Variants in NXPH1 observed in about 807,000 individuals in gnomAD.
NXPH1 encodes neurexophilin-1.
NXPH1 carries 5 observed loss-of-function variants against 23.7 expected under a neutral mutation model. That is an observed-to-expected ratio of 0.21 (90% CI 0.11 to 0.44). The LOEUF (loss-of-function observed/expected upper bound fraction) is 0.44, where lower values mean the gene tolerates loss of function less well. NXPH1 is among the 20% of genes least tolerant of loss of function. NXPH1 has a pLI of 0.99. For missense variants in NXPH1, 324 were observed against 321.6 expected, an observed-to-expected ratio of 1.01 and a Z score of -0.06; for synonymous variants, 144 against 122.2, an observed-to-expected ratio of 1.18 and a Z score of -1.18.
Position 8,524,550 on chromosome 7 carries a change from G to A in NXPH1, c.54+88783G>A, listed in dbSNP as rs147427058. The stretch of plus-strand genomic sequence containing the variant: ...CCTTTGCCCAATTAAGGGGACTTTT[G>A]TTTAAAATGACAATGCCAAGGTGTC... On this transcript the variant is annotated intron_variant, in intron 2 of 2. Coordinates refer to ENST00000405863, the MANE Select transcript of NXPH1 (RefSeq NM_152745.3). Among the ~76,000 whole-genome samples, 660 of 152,246 alleles carry A rather than the reference G, an allele frequency of 4.3e-3. 7 individuals carry two copies. The highest frequency in any genetic ancestry group is 0.015 in the African/African-American group (636 of 41,554).
At chr7:8,593,724 A>G (rs1018575140) in intron 2 of NXPH1, among the ~76,000 whole-genome samples, 7 of 152,034 alleles carry the variant, frequency 4.6e-5, no homozygotes, top group African/African-American at 1.7e-4. Context: ...AGTTACCTTA[A>G]AATTAAAATT....
At chr7:8,650,436 G>A (rs1182070821) in intron 2 of NXPH1, among the ~76,000 whole-genome samples, 1 of 152,094 alleles carries the variant, frequency 6.6e-6, no homozygotes, top group Non-Finnish European at 1.5e-5. Context: ...CAGCTTCTTG[G>A]AATGAGCCTT....
At chr7:8,558,390 T>C (rs894020125) in intron 2 of NXPH1, among the ~76,000 whole-genome samples, 1 of 151,626 alleles carries the variant, frequency 6.6e-6, no homozygotes, top group Non-Finnish European at 1.5e-5. Flanking sequence ...ACTTGAAGAG[T>C]TAGAGCAGCT....
At chr7:8,438,516 C>T (rs899326849) in intron 2 of NXPH1, among the ~76,000 whole-genome samples, 2 of 152,190 alleles carry the variant, frequency 1.3e-5, no homozygotes, top group Non-Finnish European at 2.9e-5. Context: ...TCTGTTTATG[C>T]CTTACCTCTT....
chr7:8,646,612 T>C (rs77028385), intron 2 of NXPH1, among the ~76,000 whole-genome samples: 6,261 of 152,142 alleles, frequency 0.041, 304 homozygotes, highest in East Asian at 0.17. Context: ...CATTCTCTTC[T>C]ATTCCTAGTT....
At chr7:8,483,417 A>ACCTCC (rs1322364626) in intron 2 of NXPH1, among the ~76,000 whole-genome samples, 1 of 151,652 alleles carries the variant, frequency 6.6e-6, no homozygotes, top group Non-Finnish European at 1.5e-5. Context: ...TGCAGCCTTG[A>ACCTCC]CCTCCCAGGC....
At chr7:8,708,950 G>C (rs925118945) in intron 2 of NXPH1, among the ~76,000 whole-genome samples, 1 of 152,118 alleles carries the variant, frequency 6.6e-6, no homozygotes, top group Non-Finnish European at 1.5e-5. Context: ...TTTAACCAGA[G>C]GCTGAGGTGA....
At chr7:8,563,793 C>T (rs1818491667) in intron 2 of NXPH1, among the ~76,000 whole-genome samples, 1 of 151,756 alleles carries the variant, frequency 6.6e-6, no homozygotes, top group Non-Finnish European at 1.5e-5. Flanking sequence ...ATAATGCACG[C>T]AGAAATTCTT....
intron 2 of NXPH1, among the ~76,000 whole-genome samples, chr7:8,527,257 C>T (rs1001148669): frequency 3.9e-5 from 6 of 152,150 alleles, no homozygotes; most frequent in African/African-American, 7.2e-5. Context: ...AGTGACGTGT[C>T]GCCTCCCATG....
intron 2 of NXPH1, among the ~76,000 whole-genome samples, chr7:8,748,432 G>A (rs1780508516): frequency 6.6e-6 from 1 of 152,204 alleles, no homozygotes; most frequent in African/African-American, 2.4e-5. Context: ...CCGTCTGATA[G>A]CCCCATTTGA....
At chr7:8,652,250 G>T (rs1177476440) in intron 2 of NXPH1, among the ~76,000 whole-genome samples, 2 of 152,016 alleles carry the variant, frequency 1.3e-5, no homozygotes, top group Non-Finnish European at 2.9e-5. Flanking sequence ...TAATCTGCCT[G>T]CCAAGAAATA....
intron 2 of NXPH1, among the ~76,000 whole-genome samples, chr7:8,437,587 A>G (rs1280337221): frequency 6.6e-6 from 1 of 152,218 alleles, no homozygotes; most frequent in Non-Finnish European, 1.5e-5. Flanking sequence ...GATAGTCTGG[A>G]AAATAATCTA....
intron 2 of NXPH1, among the ~76,000 whole-genome samples, chr7:8,540,153 A>G (rs1818091349): frequency 1.3e-5 from 2 of 151,792 alleles, no homozygotes; most frequent in Admixed American, 1.3e-4. Flanking sequence ...GATCAATGAC[A>G]ATCACAGAAT....
intron 2 of NXPH1, among the ~76,000 whole-genome samples, chr7:8,578,836 T>C (rs1818806589): frequency 6.6e-6 from 1 of 152,190 alleles, no homozygotes; most frequent in South Asian, 2.1e-4. Flanking sequence ...TTTAGTTCAG[T>C]TGAGCCTTAC....
chr7:8,552,537 C>T (rs560233899), intron 2 of NXPH1, among the ~76,000 whole-genome samples: 14 of 151,524 alleles, frequency 9.2e-5, no homozygotes, highest in African/African-American at 2.9e-4. Context: ...AATATGGGTA[C>T]CATTTCCCTG....
At chr7:8,619,558 C>T (rs1198389685) in intron 2 of NXPH1, among the ~76,000 whole-genome samples, 2 of 152,158 alleles carry the variant, frequency 1.3e-5, no homozygotes. Flanking sequence ...ACCCATGTGT[C>T]TGTACTGTCA....
Position 8,693,176 on chromosome 7 carries a change from C to CAAAACA in NXPH1, c.55-57815_55-57810dup, listed in dbSNP as rs926343649. ...AAAACCAAGAAACAACCCCCGCCGC[C>CAAAACA]AAAACAAAAACAAAAACAAAAAAAA... On this transcript the variant is annotated intron_variant, in intron 2 of 2. Transcript: ENST00000405863. 7.9e-5 allele frequency among the ~76,000 whole-genome samples: 12 copies of CAAAACA among 151,996 alleles called. 1 individual carries two copies. The highest frequency in any genetic ancestry group is 2.2e-4 in the African/African-American group (9 of 41,456).
At chr7:8,621,898 A>AAC (rs1819882402) in intron 2 of NXPH1, among the ~76,000 whole-genome samples, 1 of 152,192 alleles carries the variant, frequency 6.6e-6, no homozygotes, top group Non-Finnish European at 1.5e-5. Flanking sequence ...AGGCAGAATG[A>AAC]ACCAAGGACA....
At chr7:8,670,724 G>A (rs2115169373) in intron 2 of NXPH1, among the ~76,000 whole-genome samples, 1 of 152,272 alleles carries the variant, frequency 6.6e-6, no homozygotes, top group South Asian at 2.1e-4. Flanking sequence ...CAATATAAAA[G>A]CAATTTGAAA....
Sources: gnomAD v4.1 joint callset for allele counts (sites outside exome capture counted in the v4.1 genomes callset) on GRCh38, gnomAD v4.1.1 for gene constraint, MANE v1.5 for transcripts, NCBI Gene and HGNC (gene_info 2026-07-23, HGNC 2026-07-21) for gene names.